Variants in CNTNAP2 observed in about 807,000 individuals in gnomAD.
CNTNAP2 encodes the protein contactin associated protein 2.
CNTNAP2 carries 98 observed loss-of-function variants against 155.2 expected under a neutral mutation model. The ratio of observed to expected loss-of-function variants is 0.63; its 90% CI spans 0.54 to 0.75. The LOEUF (loss-of-function observed/expected upper bound fraction) is 0.75. Ranked by LOEUF, CNTNAP2 falls within the 30% of genes least tolerant of loss-of-function variation. The pLI is 0.00. For missense variants in CNTNAP2, 1,727 were observed against 1,688.1 expected, an observed-to-expected ratio of 1.02 and a Z score of -0.40; for synonymous variants, 651 against 631.2, an observed-to-expected ratio of 1.03 and a Z score of -0.47.
chr7:147,749,499 T>C (rs1797099429), intron 13 of CNTNAP2, among the ~76,000 whole-genome samples: 1 of 152,200 alleles, frequency 6.6e-6, no homozygotes, highest in African/African-American at 2.4e-5. Flanking sequence ...ATATAAAAGA[T>C]TTTGGTGTGT....
chr7:148,152,774 A>T lies in CNTNAP2; in HGVS notation c.2773+5065A>T, dbSNP rs146277437. Among the ~76,000 whole-genome samples the T allele has an allele frequency of 1.2e-3, 185 of 152,280 alleles. 1 individual carries two copies. The highest frequency in any genetic ancestry group is 4.3e-3 in the African/African-American group (180 of 41,560). On this transcript the variant is annotated intron_variant, in intron 17 of 23. Transcript: ENST00000361727. The stretch of plus-strand genomic sequence containing the variant: ...GGCGGCTCACGCCTGTAATCCCAGC[A>T]CTTTGGGAGGCCGAGATGGGGGGAT...
At chr7:146,175,169 G>A (rs1798452251) in intron 1 of CNTNAP2, among the ~76,000 whole-genome samples, 1 of 152,080 alleles carries the variant, frequency 6.6e-6, no homozygotes, top group Non-Finnish European at 1.5e-5. Flanking sequence ...TAGTAATAAT[G>A]GTAATGGATC....
At chr7:148,398,965 C>G (rs56372810) in intron 22 of CNTNAP2, among the ~76,000 whole-genome samples, 4,091 of 152,312 alleles carry the variant, frequency 0.027, 85 homozygotes, top group Non-Finnish European at 0.039. Flanking sequence ...CTCAGCCACC[C>G]TCTCCCTAGA....
intron 4 of CNTNAP2, among the ~76,000 whole-genome samples, chr7:147,106,856 C>A (rs185207767): frequency 1.7e-4 from 26 of 152,242 alleles, no homozygotes; most frequent in African/African-American, 6.0e-4. Context: ...GCTCCACTTA[C>A]AAGGCAAACC....
chr7:146,741,331 C>T lies in CNTNAP2; in HGVS notation c.98-32940C>T, dbSNP rs898767908. 9.2e-5 allele frequency among the ~76,000 whole-genome samples: 14 copies of T among 152,260 alleles called. No homozygotes were observed. The South Asian group carries it at 2.9e-3, about 32-fold the overall frequency. ...ATGCTTGCTGGAGAGTCCTACTCCACTGTCTGGCTCCCACAAGGCATTTTT... is the reference window on the plus strand; with the variant it reads ...ATGCTTGCTGGAGAGTCCTACTCCATTGTCTGGCTCCCACAAGGCATTTTT... On this transcript the variant is annotated intron_variant, in intron 1 of 23. Transcript: ENST00000361727.
At chr7:147,489,044 T>C (rs1798560106) in intron 11 of CNTNAP2, among the ~76,000 whole-genome samples, 1 of 152,246 alleles carries the variant, frequency 6.6e-6, no homozygotes, top group Non-Finnish European at 1.5e-5. Context: ...AATGTGTCTC[T>C]TAATTTAATG....
chr7:146,412,879 A>G (rs1254386408), intron 1 of CNTNAP2, among the ~76,000 whole-genome samples: 1 of 152,188 alleles, frequency 6.6e-6, no homozygotes, highest in African/African-American at 2.4e-5. Flanking sequence ...AAATCCTGGG[A>G]TGACTGCTTC....
At chr7:146,383,188 A>T (rs1011222133) in intron 1 of CNTNAP2, among the ~76,000 whole-genome samples, 5 of 152,200 alleles carry the variant, frequency 3.3e-5, no homozygotes, top group Non-Finnish European at 4.4e-5. Context: ...CTGCACAAGC[A>T]TGCTGATTTT....
At chr7:146,469,499 C>T (rs1023120903) in intron 1 of CNTNAP2, among the ~76,000 whole-genome samples, 1 of 150,336 alleles carries the variant, frequency 6.7e-6, no homozygotes, top group Non-Finnish European at 1.5e-5. Flanking sequence ...TCAGAGGTAA[C>T]CACTGTCTTA....
At chr7:146,522,963 C>T (rs1170095778) in intron 1 of CNTNAP2, among the ~76,000 whole-genome samples, 1 of 151,624 alleles carries the variant, frequency 6.6e-6, no homozygotes, top group Non-Finnish European at 1.5e-5. Flanking sequence ...AGAATGATAT[C>T]TATTATTTTA....
At position 147,776,702 on chromosome 7, in the gene CNTNAP2, A is replaced by AT. The variant is rs1192513803; in HGVS notation, c.2099-126855dup. ...ATAATAAGATACTAAAAGCTTGAAA[A>AT]TTTTTTTTGATTCTAAGAGCAGGTA... On this transcript the variant is annotated intron_variant, in intron 13 of 23. Coordinates refer to ENST00000361727, the MANE Select transcript of CNTNAP2 (RefSeq NM_014141.6). 6.6e-5 allele frequency among the ~76,000 whole-genome samples: 10 copies of AT among 152,042 alleles called. No homozygotes were observed. The East Asian group carries it at 9.7e-4, about 15-fold the overall frequency.
chr7:147,235,615 G>A (rs1803784094), intron 8 of CNTNAP2, among the ~76,000 whole-genome samples: 1 of 151,998 alleles, frequency 6.6e-6, no homozygotes. Flanking sequence ...TTTATTTAAG[G>A]TGTAATAATC....
At chr7:148,058,183 A>C (rs1193227203) in intron 15 of CNTNAP2, among the ~76,000 whole-genome samples, 1 of 152,136 alleles carries the variant, frequency 6.6e-6, no homozygotes, top group African/African-American at 2.4e-5. Flanking sequence ...CATGGTGTTC[A>C]ATTGTGCAGG....
intron 12 of CNTNAP2, among the ~76,000 whole-genome samples, chr7:147,584,033 T>C (rs995893): frequency 0.69 from 104,911 of 152,040 alleles, 36,758 homozygotes; most frequent in African/African-American, 0.81. Flanking sequence ...ACCAATGCTT[T>C]TGTAGACAGA....
intron 14 of CNTNAP2, among the ~76,000 whole-genome samples, chr7:147,921,677 C>G (rs995061423): frequency 2.0e-5 from 3 of 152,140 alleles, no homozygotes; most frequent in African/African-American, 7.2e-5. Context: ...ACTTCAGTTT[C>G]TTCATCTTTA....
chr7:147,848,640 A>C (rs117690363), intron 13 of CNTNAP2, among the ~76,000 whole-genome samples: 1 of 152,180 alleles, frequency 6.6e-6, no homozygotes, highest in African/African-American at 2.4e-5. Flanking sequence ...TTGCATTTCA[A>C]GTATCTTTTT....
At chr7:148,265,524 T>C (rs1391788613) in intron 20 of CNTNAP2, among the ~76,000 whole-genome samples, 2 of 152,022 alleles carry the variant, frequency 1.3e-5, no homozygotes, top group African/African-American at 4.8e-5. Flanking sequence ...ATCCACAAGC[T>C]TCAGCCTCCC....
At chr7:146,726,686 A>G (rs1801436871) in intron 1 of CNTNAP2, among the ~76,000 whole-genome samples, 1 of 152,186 alleles carries the variant, frequency 6.6e-6, no homozygotes, top group Non-Finnish European at 1.5e-5. Context: ...ATTCTTAACA[A>G]TTAACAAATT....
intron 1 of CNTNAP2, among the ~76,000 whole-genome samples, chr7:146,324,228 C>G (rs1047497196): frequency 6.6e-6 from 1 of 152,122 alleles, no homozygotes; most frequent in Non-Finnish European, 1.5e-5. Context: ...AACGATTACA[C>G]TTCAGCCTGG....
Sources: gnomAD v4.1 joint callset for allele counts (sites outside exome capture counted in the v4.1 genomes callset) on GRCh38, gnomAD v4.1.1 for gene constraint, MANE v1.5 for transcripts, NCBI Gene and HGNC (gene_info 2026-07-23, HGNC 2026-07-21) for gene names.